Variants in MAGI1 observed in about 807,000 individuals in gnomAD.
MAGI1 encodes membrane-associated guanylate kinase, WW and PDZ domain-containing protein 1.
In MAGI1, 58 loss-of-function variants were observed where a neutral mutation model predicts 139.9. That is an observed-to-expected ratio of 0.41 (90% CI 0.34 to 0.52). MAGI1 has a LOEUF of 0.52. Among genes scored for constraint, MAGI1 ranks in the 20% least tolerant of loss-of-function variants. MAGI1 has a pLI of 0.12. For missense variants in MAGI1, 1,874 were observed against 1,901.6 expected, an observed-to-expected ratio of 0.99 and a Z score of 0.27; for synonymous variants, 812 against 737.9, an observed-to-expected ratio of 1.10 and a Z score of -1.63.
In MAGI1 at chr3:65,478,738, G is replaced by A. The variant is rs1171675700; in HGVS notation, c.611C>T (p.Thr204Met). The A allele has an allele frequency of 7.4e-6, 12 of 1,613,956 alleles. No homozygotes were observed. Among genetic ancestry groups the A allele is most frequent in the African/African-American group, 5.3e-5 (4 of 74,894 alleles). Residue 204 changes from threonine (T) to methionine (M), a missense_variant, in exon 4 of 23, where the codon ACG becomes ATG. Thr to Met is a moderately conservative substitution (Grantham distance 81, BLOSUM62 -1). Transcript: ENST00000402939. The stretch of plus-strand genomic sequence containing the variant: ...AGACTGAAGGCTGTGCAAGGCATCC[G>A]TCGTGATCACTTTCCCACTGACTGG... ...SQPVSGKVIT[T>M]DALHSLQSGS...
rs1456848674 is a variant in MAGI1, at chr3:66,012,795, G to A, written c.313+25201C>T. On this transcript the variant is annotated intron_variant, in intron 1 of 22. Transcript: ENST00000402939. ...AAAAAAAAAAAAGAATAAATAAGGGGACAGATGTGAAATCATCTAGCACAG... is the reference window on the plus strand; with the variant it reads ...AAAAAAAAAAAAGAATAAATAAGGGAACAGATGTGAAATCATCTAGCACAG... 2.6e-5 allele frequency among the ~76,000 whole-genome samples: 4 copies of A among 151,814 alleles called. No homozygotes were observed. In the East Asian group the frequency reaches 7.7e-4, roughly 29 times the overall value.
chr3:65,618,242 GGAGA>G (rs1370012377), intron 2 of MAGI1, among the ~76,000 whole-genome samples: 1 of 152,082 alleles, frequency 6.6e-6, no homozygotes, highest in East Asian at 1.9e-4. Context: ...AACTGGAGGA[GGAGA>G]AAGAGAAATA....
In MAGI1 at chr3:65,496,850, A is replaced by G. The variant is rs531852648; in HGVS notation, c.431-3219T>C. 2.0e-5 allele frequency among the ~76,000 whole-genome samples: 3 copies of G among 152,318 alleles called. No homozygotes were observed. In the East Asian group the frequency reaches 5.8e-4, roughly 29 times the overall value. ...ATTTTAAAAAGTATGTCAGCTCATC[A>G]CACCATGCTAGGTCTATATTTTGAA... On this transcript the variant is annotated intron_variant, in intron 2 of 22. Coordinates refer to ENST00000402939, the MANE Select transcript of MAGI1 (RefSeq NM_001033057.2).
intron 1 of MAGI1, among the ~76,000 whole-genome samples, chr3:65,760,460 C>T (rs934954193): frequency 3.3e-5 from 5 of 151,380 alleles, no homozygotes; most frequent in African/African-American, 1.2e-4. Context: ...ACACTCATAG[C>T]TCACAGCATC....
At chr3:65,691,307 A>AAAAAAAAAAAAAAAAAAG (rs1388046202) in intron 1 of MAGI1, among the ~76,000 whole-genome samples, 56 of 133,576 alleles carry the variant, frequency 4.2e-4, no homozygotes, top group South Asian at 1.1e-3. Context: ...CGTCTCAAAA[A>AAAAAAAAAAAAAAAAAAG]AAAAAAAAGA....
intron 1 of MAGI1, among the ~76,000 whole-genome samples, chr3:65,807,154 C>T (rs919934612): frequency 4.6e-5 from 7 of 152,334 alleles, no homozygotes; most frequent in Admixed American, 2.0e-4. Flanking sequence ...CAGTAAGATG[C>T]TGTCCTAATC....
At chr3:65,725,647 T>A (rs1399845603) in intron 1 of MAGI1, among the ~76,000 whole-genome samples, 1 of 152,180 alleles carries the variant, frequency 6.6e-6, no homozygotes, top group Non-Finnish European at 1.5e-5. Context: ...TGCAAGGGAC[T>A]TGAGTGTCAC....
intron 1 of MAGI1, among the ~76,000 whole-genome samples, chr3:65,720,571 AG>A (rs1179968054): frequency 6.6e-6 from 1 of 152,086 alleles, no homozygotes; most frequent in African/African-American, 2.4e-5. Flanking sequence ...CCATCACTAA[AG>A]CATCACCCAC....
At chr3:65,825,205 T>A (rs538470153) in intron 1 of MAGI1, among the ~76,000 whole-genome samples, 1 of 152,246 alleles carries the variant, frequency 6.6e-6, no homozygotes, top group African/African-American at 2.4e-5. Flanking sequence ...TTATAGCTTA[T>A]CAATTAAACA....
chr3:65,509,397 G>C lies in MAGI1; in HGVS notation c.431-15766C>G, dbSNP rs903918316. ...TCTGCGTTTCCATCTGAGGTACCGG[G>C]TTTATCTCACTAGGGAGTGCCAGAC... On this transcript the variant is annotated intron_variant, in intron 2 of 22. Transcript: ENST00000402939. Among the ~76,000 whole-genome samples the C allele has an allele frequency of 8.5e-5, 13 of 152,292 alleles. No individual in the cohort carries two copies. In the East Asian group the frequency reaches 1.9e-3, roughly 23 times the overall value.
intron 1 of MAGI1, among the ~76,000 whole-genome samples, chr3:65,765,831 T>G (rs2037423097): frequency 6.6e-6 from 1 of 152,184 alleles, no homozygotes; most frequent in Non-Finnish European, 1.5e-5. Flanking sequence ...TTTCTCAATC[T>G]TGCTTCTAAG....
chr3:65,713,455 A>AG (rs1388685335), intron 1 of MAGI1, among the ~76,000 whole-genome samples: 2 of 152,208 alleles, frequency 1.3e-5, no homozygotes, highest in African/African-American at 4.8e-5. Context: ...AAGAAAAAAA[A>AG]GAAAGAAACT....
At chr3:65,886,832 A>G (rs1197988395) in intron 1 of MAGI1, among the ~76,000 whole-genome samples, 1 of 152,212 alleles carries the variant, frequency 6.6e-6, no homozygotes, top group Non-Finnish European at 1.5e-5. Flanking sequence ...AGCCAAACCT[A>G]TATGTTGGCT....
chr3:65,520,957 G>A (rs923584572), intron 2 of MAGI1, among the ~76,000 whole-genome samples: 1 of 152,116 alleles, frequency 6.6e-6, no homozygotes, highest in African/African-American at 2.4e-5. Flanking sequence ...TCAGTGGAGG[G>A]CAAACTATTA....
chr3:65,680,788 G>GATATGAT (rs1559781127), intron 1 of MAGI1, among the ~76,000 whole-genome samples: 1 of 137,084 alleles, frequency 7.3e-6, no homozygotes, highest in Non-Finnish European at 1.5e-5. Flanking sequence ...GATATGATAT[G>GATATGAT]ATATGATATA....
At chr3:65,916,388 G>GA (rs1316898087) in intron 1 of MAGI1, among the ~76,000 whole-genome samples, 1 of 152,106 alleles carries the variant, frequency 6.6e-6, no homozygotes, top group Non-Finnish European at 1.5e-5. Context: ...AATTTATAAA[G>GA]AAAAAGAGGT....
intron 1 of MAGI1, among the ~76,000 whole-genome samples, chr3:65,846,527 G>A (rs6796700): frequency 6.6e-6 from 1 of 152,072 alleles, no homozygotes; most frequent in Non-Finnish European, 1.5e-5. Flanking sequence ...TGCCACCAGA[G>A]TCATAATAGG....
chr3:65,668,762 C>T (rs1430801940), intron 1 of MAGI1, among the ~76,000 whole-genome samples: 3 of 151,488 alleles, frequency 2.0e-5, no homozygotes, highest in African/African-American at 7.3e-5. Context: ...CCATCTTGGC[C>T]AGGTTGGTCT....
At chr3:65,876,474 A>C (rs1346721497) in intron 1 of MAGI1, among the ~76,000 whole-genome samples, 1 of 152,196 alleles carries the variant, frequency 6.6e-6, no homozygotes, top group African/African-American at 2.4e-5. Flanking sequence ...TTTACGGAGT[A>C]AAACAAAATT....
Sources: allele counts gnomAD v4.1 joint callset (sites outside exome capture counted in the v4.1 genomes callset), GRCh38; gene constraint gnomAD v4.1.1; transcripts MANE v1.5; gene names NCBI Gene and HGNC (gene_info 2026-07-23, HGNC 2026-07-21).